Variants in NCOR1 observed in about 807,000 individuals in gnomAD.
NCOR1 encodes nuclear receptor corepressor 1, also known as protein phosphatase 1, regulatory subunit 109.
Under a neutral mutation model 288.1 loss-of-function variants are expected in NCOR1, and 63 were observed. The observed-to-expected ratio is 0.22, with a 90% confidence interval of 0.18 to 0.27. The LOEUF is 0.27. NCOR1 is among the 10% of genes least tolerant of loss of function. NCOR1 has a pLI of 1.00. For missense variants in NCOR1, 2,397 were observed against 3,019.2 expected, an observed-to-expected ratio of 0.79 and a Z score of 4.83; for synonymous variants, 1,007 against 1,065.9, an observed-to-expected ratio of 0.94 and a Z score of 1.08.
intron 13 of NCOR1, 82 bp downstream of exon 13, chr17:16,138,076 C>T: frequency 2.6e-6 from 3 of 1,139,380 alleles, no homozygotes; most frequent in Non-Finnish European, 3.9e-6. Flanking sequence ...TAGTTAACTA[C>T]TTATATGTGT....
At chr17:16,080,765 A>C in intron 23 of NCOR1, 38 bp from the exon 24 acceptor site, 3 of 1,577,542 alleles carry the variant, frequency 1.9e-6, no homozygotes, top group South Asian at 2.3e-5. Context: ...AGATTAAGCA[A>C]ACATTGTTTT....
chr17:16,091,751 A>G, intron 22 of NCOR1, 112 bp downstream of exon 22: 1 of 1,556,764 alleles, frequency 6.4e-7, no homozygotes, highest in South Asian at 1.2e-5. Context: ...TAGGACAAAT[A>G]TAATAATCAG....
chr17:16,161,201 A>G (rs1007462081), intron 5 of NCOR1, among the ~76,000 whole-genome samples: 2 of 151,308 alleles, frequency 1.3e-5, no homozygotes, highest in African/African-American at 2.4e-5. Flanking sequence ...AAACCATTAT[A>G]ATTCAAAGGC....
chr17:16,036,446 T>C (rs1412042498), intron 44 of NCOR1, among the ~76,000 whole-genome samples: 2 of 152,334 alleles, frequency 1.3e-5, no homozygotes, highest in Admixed American at 1.3e-4. Context: ...AGTCACCACC[T>C]GCATTAGCCC....
At chr17:16,095,690 C>T (rs1359763121) in intron 21 of NCOR1, among the ~76,000 whole-genome samples, 2 of 118,750 alleles carry the variant, frequency 1.7e-5, no homozygotes. Flanking sequence ...CCGCCCCGTC[C>T]GGGAGGGAGG....
intron 18 of NCOR1, among the ~76,000 whole-genome samples, chr17:16,109,325 C>T (rs1409941631): frequency 6.6e-6 from 1 of 151,908 alleles, no homozygotes; most frequent in Non-Finnish European, 1.5e-5. Context: ...GCTCATTATT[C>T]CAACAGTAAG....
At position 16,032,355 on chromosome 17, in the gene NCOR1, G is replaced by A. The variant is rs2151755529; in HGVS notation, c.7264C>T (p.Arg2422Ter). ...APHQQNRIWE[R>*]EPAPLLSAQY... The stretch of plus-strand genomic sequence containing the variant: ...GCTGAGAGCAGTGGGGCAGGCTCTC[G>A]CTCCCAGATCCTGTTCTGTTGGTGA... Residue 2422 changes from arginine to a stop codon, truncating the protein, a stop_gained, in exon 46 of 46, where the codon CGA (arginine) becomes TGA (stop). Transcript: ENST00000268712. LOFTEE classifies it high-confidence loss of function. The A allele has an allele frequency of 6.2e-7, 1 of 1,614,024 alleles. No individual in the cohort carries two copies. The highest frequency in any genetic ancestry group is 8.5e-7 in the Non-Finnish European group (1 of 1,179,974).
At chr17:16,078,295 TAA>T (rs905766069) in intron 26 of NCOR1, among the ~76,000 whole-genome samples, 14 of 152,300 alleles carry the variant, frequency 9.2e-5, no homozygotes, top group Admixed American at 7.2e-4. Flanking sequence ...AGAAAAGCGA[TAA>T]GAGACATACA....
chr17:16,058,209 A>C, intron 38 of NCOR1, 145 bp from the exon 39 acceptor site: 1 of 1,026,170 alleles, frequency 9.7e-7, no homozygotes, highest in East Asian at 2.6e-5. Context: ...TTGGAGAAAA[A>C]AAAAATTATT....
intron 21 of NCOR1, among the ~76,000 whole-genome samples, chr17:16,097,260 T>C (rs1641807745): frequency 6.6e-6 from 1 of 152,148 alleles, no homozygotes; most frequent in African/African-American, 2.4e-5. Context: ...TCTTTGGGGA[T>C]TGGGGTAGGA....
Position 16,048,914 on chromosome 17 carries a change from G to A in NCOR1, c.6467C>T (p.Pro2156Leu), listed in dbSNP as rs773322630. Reference sequence around the variant, plus strand: ...GCTGTCCTGTTTCTCATGCACAACCGGAACCTGGGGTGGGGAGATGGGCTC... The same window carrying A: ...GCTGTCCTGTTTCTCATGCACAACCAGAACCTGGGGTGGGGAGATGGGCTC... ...PYEPISPPQVPVVHEKQDSLL... is the reference protein window; with the variant it reads ...PYEPISPPQVLVVHEKQDSLL... The change falls in exon 41 of 46, where the codon CCG becomes CTG. Residue 2156 changes from proline (P) to leucine (L), a missense_variant. This residue lies in a region of NCOR1 where 1,872 missense variants were observed against 2,187.8 expected (regional missense o/e 0.86). Transcript: ENST00000268712. 9.9e-6 allele frequency: 16 copies of A among 1,613,762 alleles called. No homozygotes were observed. In the East Asian group the frequency reaches 2.2e-4, roughly 22 times the overall value.
chr17:16,080,796 A>G, intron 23 of NCOR1, 69 bp from the exon 24 acceptor site: 1 of 1,454,292 alleles, frequency 6.9e-7, no homozygotes, highest in Non-Finnish European at 9.3e-7. Context: ...TCAATTTCAC[A>G]AAGTCAGCAT....
chr17:16,150,883 A>G (rs1375557121), intron 8 of NCOR1, among the ~76,000 whole-genome samples: 4 of 152,216 alleles, frequency 2.6e-5, no homozygotes, highest in East Asian at 1.9e-4. Flanking sequence ...TGACAAATAC[A>G]TAACTTTTAT....
At chr17:16,101,151 A>G (rs1194639269) in intron 20 of NCOR1, 99 bp downstream of exon 20, 37 of 1,271,346 alleles carry the variant, frequency 2.9e-5, no homozygotes, top group Non-Finnish European at 3.8e-5. Context: ...TAACGTGCCA[A>G]TATTTACATA....
chr17:16,175,195 C>G (rs538972203), intron 3 of NCOR1, among the ~76,000 whole-genome samples: 1 of 151,936 alleles, frequency 6.6e-6, no homozygotes, highest in South Asian at 2.1e-4. Flanking sequence ...GGTGAAAGCC[C>G]GTCTCTACAA....
chr17:16,172,462 T>C (rs762969185), intron 3 of NCOR1, among the ~76,000 whole-genome samples: 1 of 152,156 alleles, frequency 6.6e-6, no homozygotes, highest in South Asian at 2.1e-4. Context: ...ATCTATAAAC[T>C]AATATTTTTA....
At position 16,101,276 on chromosome 17, in the gene NCOR1, AT is replaced by A; in HGVS notation, c.2663del (p.Asp888ValfsTer21). The A allele has an allele frequency of 6.2e-7, 1 of 1,605,680 alleles. No homozygotes were observed. The highest frequency in any genetic ancestry group is 8.5e-7 in the Non-Finnish European group (1 of 1,176,076). ...TCTGCCTCTCTGGCTCTCCATCCACATCCTCATCAGCGCTGCACGTGGCACT... is the reference window on the plus strand; with the variant it reads ...TCTGCCTCTCTGGCTCTCCATCCACACCTCATCAGCGCTGCACGTGGCACT... ...DSSATCSADE[D>X]VDGEPERQRM... On this transcript the variant is annotated frameshift_variant, in exon 20 of 46. Coordinates refer to ENST00000268712, the MANE Select transcript of NCOR1 (RefSeq NM_006311.4). LOFTEE classifies it high-confidence loss of function.
At position 16,071,617 on chromosome 17, in the gene NCOR1, G is replaced by C. The variant is rs1335530764; in HGVS notation, c.3944C>G (p.Pro1315Arg). The change falls in exon 30 of 46, where the codon CCC (proline) becomes CGC (arginine). Residue 1315 changes from proline (P) to arginine (R), a missense_variant. By Grantham distance (103) the Pro-to-Arg change is moderately radical. This residue lies in a region of NCOR1 where 1,872 missense variants were observed against 2,187.8 expected (regional missense o/e 0.86). Coordinates refer to ENST00000268712, the MANE Select transcript of NCOR1 (RefSeq NM_006311.4). Reference sequence around the variant, plus strand: ...AGGACTTTCCCTTTTAATTTGTTTGGGATATTTAAGGCCATCTTCAAAGCT... The same window carrying C: ...AGGACTTTCCCTTTTAATTTGTTTGCGATATTTAAGGCCATCTTCAAAGCT... ...TESFEDGLKY[P>R]KQIKRESPPI... 3 of 1,613,554 alleles carry C rather than the reference G, an allele frequency of 1.9e-6. No individual in the cohort carries two copies. The highest frequency in any genetic ancestry group is 2.5e-6 in the Non-Finnish European group (3 of 1,179,768).
In NCOR1 at chr17:16,210,710, T is replaced by C. The variant is rs150862453; in HGVS notation, c.-71+4652A>G. Among the ~76,000 whole-genome samples the C allele has an allele frequency of 2.9e-4, 44 of 151,984 alleles. 3 individuals are homozygous for C. The East Asian group carries it at 8.5e-3, about 29-fold the overall frequency. ...TAAGCTAAATATCCAAAGTAATCTC[T>C]CATTTCCTATTCACTCCAATTTTTT... On this transcript the variant is annotated intron_variant, in intron 1 of 45. Transcript: ENST00000268712.
Sources: allele counts gnomAD v4.1 joint callset (sites outside exome capture counted in the v4.1 genomes callset), GRCh38; gene constraint gnomAD v4.1.1; regional missense constraint gnomAD v4.1.1; transcripts MANE v1.5; gene names NCBI Gene and HGNC (gene_info 2026-07-23, HGNC 2026-07-21).